MEOX2: variants seen among roughly 807,000 people sequenced by gnomAD.
The protein encoded by MEOX2 is mesenchyme homeobox 2, also known as homeobox protein MOX-2.
MEOX2 carries 11 observed loss-of-function variants against 27.0 expected under a neutral mutation model. The observed-to-expected ratio is 0.41, with a 90% confidence interval of 0.26 to 0.68. MEOX2 has a LOEUF of 0.68. Among genes scored for constraint, MEOX2 ranks in the 30% least tolerant of loss-of-function variants. The pLI is 0.33. For missense variants in MEOX2, 436 were observed against 385.4 expected (o/e 1.13, Z -1.10); for synonymous variants, 189 against 155.4 (o/e 1.22, Z -1.61).
In MEOX2 at chr7:15,612,340, C is replaced by A; in HGVS notation, c.*47G>T. 1 of 1,461,958 alleles carries A rather than the reference C, an allele frequency of 6.8e-7. No homozygotes were observed. Among genetic ancestry groups the A allele is most frequent in the Non-Finnish European group, 9.6e-7 (1 of 1,043,356 alleles). The allele number at this position is 1,461,958 out of a possible 1,614,324, so 90.6% of individuals were successfully genotyped here. A position where few individuals can be genotyped will look rare whatever the true frequency, so the allele number is the denominator to read the frequency against. ...TAAACGATATTTGGGTAAGGCTTGC[C>A]ATCACAACATTTCTTTCCTGAGAAT... On this transcript the variant is annotated 3_prime_UTR_variant, in exon 3 of 3. Transcript: ENST00000262041.
chr7:15,633,448 G>C (rs528290302), intron 1 of MEOX2, among the ~76,000 whole-genome samples: 1 of 152,008 alleles, frequency 6.6e-6, no homozygotes, highest in East Asian at 1.9e-4. Flanking sequence ...ATTTACAGCT[G>C]TCAACAGGGC....
At chr7:15,647,529 T>C (rs965989151) in intron 1 of MEOX2, among the ~76,000 whole-genome samples, 12 of 152,122 alleles carry the variant, frequency 7.9e-5, no homozygotes, top group Non-Finnish European at 1.6e-4. Flanking sequence ...TTAGCAATCT[T>C]ATGCATTAGC....
chr7:15,627,025 C>T, intron 1 of MEOX2, 107 bp from the exon 2 acceptor site: 1 of 1,098,500 alleles, frequency 9.1e-7, no homozygotes, highest in Non-Finnish European at 1.3e-6. Flanking sequence ...CTGCGCTAGA[C>T]ATGGAACAAA....
chr7:15,626,833 T>A lies in MEOX2; in HGVS notation c.603A>T (p.Glu201Asp). 1.2e-6 allele frequency: 2 copies of A among 1,611,884 alleles called. No homozygotes were observed. Among genetic ancestry groups the A allele is most frequent in the Non-Finnish European group, 1.7e-6 (2 of 1,179,290 alleles). The change falls in exon 2 of 3, where the codon GAA (glutamate) becomes GAT (aspartate). Residue 201 changes from glutamate to aspartate, a missense_variant. Physicochemically the swap from Glu to Asp is conservative, Grantham distance 45 (BLOSUM62 2). Transcript: ENST00000262041. Reference protein sequence around the residue: ...RTAFTKEQIRELEAEFAHHNY... With the variant: ...RTAFTKEQIRDLEAEFAHHNY... Reference sequence around the variant, plus strand: ...TATGATGGGCAAATTCTGCTTCAAGTTCTCTGATTTGCTCTTTGGTAAATG... The same window carrying A: ...TATGATGGGCAAATTCTGCTTCAAGATCTCTGATTTGCTCTTTGGTAAATG...
chr7:15,622,234 G>A (rs1034620200), intron 2 of MEOX2, among the ~76,000 whole-genome samples: 15 of 152,058 alleles, frequency 9.9e-5, no homozygotes, highest in Admixed American at 2.0e-4. Flanking sequence ...GAAGTATGGA[G>A]ATGTGTATAT....
chr7:15,666,667 G>A (rs759684949), intron 1 of MEOX2, among the ~76,000 whole-genome samples: 13 of 144,984 alleles, frequency 9.0e-5, no homozygotes, highest in African/African-American at 1.6e-4. Context: ...CAGGAGAATT[G>A]CTTGAACCTG....
intron 2 of MEOX2, among the ~76,000 whole-genome samples, chr7:15,617,803 C>G (rs114173122): frequency 6.6e-6 from 1 of 152,042 alleles, no homozygotes; most frequent in Non-Finnish European, 1.5e-5. Context: ...ATTTTTAGTT[C>G]TGAAGCCTCT....
At chr7:15,680,509 T>G (rs1239559984) in intron 1 of MEOX2, 1 of 151,936 alleles carries the variant, frequency 6.6e-6, no homozygotes, top group Non-Finnish European at 1.5e-5. Context: ...GGATTTTGAA[T>G]CTCACTGATG....
At chr7:15,675,639 G>C (rs115875501) in intron 1 of MEOX2, among the ~76,000 whole-genome samples, 1,617 of 152,214 alleles carry the variant, frequency 0.011, 19 homozygotes, top group African/African-American at 0.037. Flanking sequence ...CATTGAACTG[G>C]GTAGTGCCTT....
At chr7:15,662,202 C>A (rs71540716) in intron 1 of MEOX2, among the ~76,000 whole-genome samples, 399 of 151,738 alleles carry the variant, frequency 2.6e-3, no homozygotes, top group Non-Finnish European at 4.5e-3. Flanking sequence ...TAAAATCAGT[C>A]AAAGTCCATT....
chr7:15,651,801 G>A (rs1418290324), intron 1 of MEOX2, among the ~76,000 whole-genome samples: 1 of 151,902 alleles, frequency 6.6e-6, no homozygotes, highest in African/African-American at 2.4e-5. Context: ...AACATTTAAT[G>A]GCTTCTACCT....
At chr7:15,676,595 G>C (rs1390838944) in intron 1 of MEOX2, among the ~76,000 whole-genome samples, 1 of 152,078 alleles carries the variant, frequency 6.6e-6, no homozygotes, top group Non-Finnish European at 1.5e-5. Flanking sequence ...TTCTGGCCGG[G>C]CGCGGTGGCT....
chr7:15,668,486 G>T (rs1036564346), intron 1 of MEOX2, among the ~76,000 whole-genome samples: 29 of 151,446 alleles, frequency 1.9e-4, no homozygotes, highest in African/African-American at 6.8e-4. Context: ...TTTTGTTTTT[G>T]TTTTTTTTCT....
chr7:15,613,308 A>G (rs551976484), intron 2 of MEOX2, among the ~76,000 whole-genome samples: 5 of 151,992 alleles, frequency 3.3e-5, no homozygotes, highest in African/African-American at 4.8e-5. Flanking sequence ...AGCTTTGTAC[A>G]GGTATTTTCT....
At position 15,686,532 on chromosome 7, in the gene MEOX2, T is replaced by G; in HGVS notation, c.-130A>C. Reference sequence around the variant, plus strand: ...TCCCAAAGCAATAGCGGTGCACTTCTGCAGAGCTCGGATAATCCCGGTCCT... The same window carrying G: ...TCCCAAAGCAATAGCGGTGCACTTCGGCAGAGCTCGGATAATCCCGGTCCT... On this transcript the variant is annotated 5_prime_UTR_variant, in exon 1 of 3. Transcript: ENST00000262041. 2.4e-6 allele frequency: 2 copies of G among 818,674 alleles called. No individual in the cohort carries two copies. Among genetic ancestry groups the G allele is most frequent in the Non-Finnish European group, 3.8e-6 (2 of 529,386 alleles). The allele number at this position is 818,674 out of a possible 1,614,324, so 50.7% of individuals were successfully genotyped here.
rs33970897 is a variant in MEOX2, at chr7:15,686,492, A to ATTTT, written c.-94_-91dup. ...TCACTTTTTCACTGGAAACCGTGTG[A>ATTTT]TTTTTTTTTTAACCTCCCAAAGCAA... is the stretch of plus-strand genomic sequence containing the variant. On this transcript the variant is annotated 5_prime_UTR_variant, in exon 1 of 3. Coordinates refer to ENST00000262041, the MANE Select transcript of MEOX2 (RefSeq NM_005924.5). 8,775 of 1,030,360 alleles carry ATTTT rather than the reference A, an allele frequency of 8.5e-3. 256 individuals are homozygous for ATTTT. The African/African-American group carries it at 0.1, about 12-fold the overall frequency. 63.8% of individuals were successfully genotyped at this position (1,030,360 alleles called of 1,614,324 possible). A position where few individuals can be genotyped will look rare whatever the true frequency, so the allele number is the denominator to read the frequency against.
chr7:15,676,764 A>G (rs1022995023), intron 1 of MEOX2, among the ~76,000 whole-genome samples: 25 of 151,988 alleles, frequency 1.6e-4, no homozygotes, highest in Admixed American at 1.6e-3. Context: ...AGGCTGAGGC[A>G]GGAGAATCAC....
intron 1 of MEOX2, among the ~76,000 whole-genome samples, chr7:15,676,833 G>C (rs1782201562): frequency 6.6e-6 from 1 of 151,702 alleles, no homozygotes; most frequent in South Asian, 2.1e-4. Context: ...ACTCCAGCCT[G>C]GGCAACAGAA....
intron 1 of MEOX2, among the ~76,000 whole-genome samples, chr7:15,635,362 G>A (rs17420659): frequency 6.6e-6 from 1 of 151,978 alleles, no homozygotes; most frequent in South Asian, 2.1e-4. Flanking sequence ...ACTAAATATG[G>A]TTATGAAACC....
Sources: gnomAD v4.1 joint callset for allele counts (sites outside exome capture counted in the v4.1 genomes callset) on GRCh38, gnomAD v4.1.1 for gene constraint, MANE v1.5 for transcripts, NCBI Gene and HGNC (gene_info 2026-07-23, HGNC 2026-07-21) for gene names.